MTSS2: variants seen among roughly 807,000 people sequenced by gnomAD.
MTSS2 encodes protein MTSS 2.
In MTSS2, 27 loss-of-function variants were observed where a neutral mutation model predicts 67.1. The ratio of observed to expected loss-of-function variants is 0.40; its 90% CI spans 0.30 to 0.55. The LOEUF (loss-of-function observed/expected upper bound fraction) is 0.55. MTSS2 is among the 20% of genes least tolerant of loss of function. The pLI is 0.43. For missense variants in MTSS2, 1,171 were observed against 1,067.8 expected (o/e 1.10, Z -1.35); for synonymous variants, 624 against 468.6 (o/e 1.33, Z -4.28).
intron 3 of MTSS2, among the ~76,000 whole-genome samples, chr16:70,680,548 T>G (rs557745947): frequency 6.6e-6 from 1 of 152,146 alleles, no homozygotes; most frequent in East Asian, 1.9e-4. Flanking sequence ...GGGGGTCACA[T>G]GAACAGCCCA....
chr16:70,679,492 C>T, intron 6 of MTSS2, 138 bp downstream of exon 6: 1 of 1,229,286 alleles, frequency 8.1e-7, no homozygotes, highest in Non-Finnish European at 1.1e-6. Flanking sequence ...CCCTCTGTCC[C>T]ACCCAACAGG....
At chr16:70,679,537 G>A (rs1330601727) in intron 6 of MTSS2, 93 bp downstream of exon 6, 1 of 1,399,050 alleles carries the variant, frequency 7.1e-7, no homozygotes, top group Middle Eastern at 1.9e-4. Context: ...GCGCCCCTCT[G>A]GCTGGGATGA....
chr16:70,679,175 G>C (rs1038100579), intron 7 of MTSS2, 140 bp downstream of exon 7: 1 of 1,058,420 alleles, frequency 9.4e-7, no homozygotes, highest in East Asian at 2.4e-5. Flanking sequence ...CTGTGCCCCA[G>C]GCCCCTCCCT....
intron 12 of MTSS2, 40 bp downstream of exon 12, chr16:70,665,426 C>T: frequency 6.5e-7 from 1 of 1,531,664 alleles, no homozygotes; most frequent in Non-Finnish European, 8.8e-7. Context: ...ATGGGAGGGG[C>T]AGCTGGTGAC....
chr16:70,679,377 T>G, intron 6 of MTSS2, 54 bp from the exon 7 acceptor site: 1 of 1,607,192 alleles, frequency 6.2e-7, no homozygotes, highest in Non-Finnish European at 8.5e-7. Flanking sequence ...AAAGAATGTG[T>G]GAAAGACGCC....
At chr16:70,667,781 G>A (rs750377669) in intron 11 of MTSS2, among the ~76,000 whole-genome samples, 15 of 152,232 alleles carry the variant, frequency 9.9e-5, no homozygotes, top group Middle Eastern at 3.4e-3. Context: ...GCTGAGGCAC[G>A]AGAATAGCTT....
At position 70,678,388 on chromosome 16, in the gene MTSS2, TG is replaced by T; in HGVS notation, c.487del (p.Gln163SerfsTer28). Reference protein sequence around the residue: ...ELLGKGDLQPQLDSALQDVND... With the variant: ...ELLGKGDLQPXLDSALQDVND... ...GACGTCCTGCAGGGCACTGTCCAGC[TG>T]GGGCTGCAGGTCTCCTTTCCCTGGA... On this transcript the variant is annotated frameshift_variant, in exon 8 of 15. Coordinates refer to ENST00000338779, the MANE Select transcript of MTSS2 (RefSeq NM_138383.3). LOFTEE classifies it high-confidence loss of function. The T allele has an allele frequency of 6.2e-7, 1 of 1,612,060 alleles. No individual in the cohort carries two copies.
chr16:70,679,231 C>A (rs1008185809), intron 7 of MTSS2, 84 bp downstream of exon 7: 2 of 1,528,946 alleles, frequency 1.3e-6, no homozygotes, highest in African/African-American at 2.7e-5. Flanking sequence ...TGGAGAGGTT[C>A]CTTCCAATGG....
intron 1 of MTSS2, 33 bp from the exon 2 acceptor site, chr16:70,681,058 T>C (rs761297584): frequency 1.7e-5 from 27 of 1,590,012 alleles, no homozygotes; most frequent in African/African-American, 1.3e-4. Context: ...AGTGAGCTTC[T>C]TGTGGGGTGG....
intron 4 of MTSS2, 28 bp from the exon 5 acceptor site, chr16:70,679,905 C>A (rs1447764246): frequency 1.9e-6 from 3 of 1,564,376 alleles, no homozygotes; most frequent in Non-Finnish European, 2.6e-6. Context: ...GAGCGCAGGT[C>A]AGGGCCGGGC....
intron 1 of MTSS2, among the ~76,000 whole-genome samples, chr16:70,684,880 TGG>T (rs2053405474): frequency 6.6e-6 from 1 of 151,886 alleles, no homozygotes; most frequent in African/African-American, 2.4e-5. Context: ...GGAGGAAAAA[TGG>T]GGGCTGAGGT....
chr16:70,679,932 G>GCCCCCCCC, intron 4 of MTSS2, 39 bp downstream of exon 4: 1 of 709,056 alleles, frequency 1.4e-6, no homozygotes, highest in Non-Finnish European at 2.2e-6. Flanking sequence ...GCGACGCCCC[G>GCCCCCCCC]TCCCCCCGCC....
intron 6 of MTSS2, 129 bp from the exon 7 acceptor site, chr16:70,679,452 T>C: frequency 7.7e-6 from 10 of 1,300,548 alleles, no homozygotes; most frequent in Non-Finnish European, 1.1e-5. Context: ...ATAGGGAGGT[T>C]CTGGACCAGG....
rs1280372789 is a variant in MTSS2, at chr16:70,663,266, GA to G, written c.*410del. The G allele has an allele frequency of 5.2e-6, 1 of 192,594 alleles. No homozygotes were observed. The highest frequency in any genetic ancestry group is 2.4e-5 in the African/African-American group (1 of 42,514). 11.9% of individuals were successfully genotyped at this position (192,594 alleles called of 1,614,324 possible). A position where few individuals can be genotyped will look rare whatever the true frequency, so the allele number is the denominator to read the frequency against. On this transcript the variant is annotated 3_prime_UTR_variant, in exon 15 of 15. Coordinates refer to ENST00000338779, the MANE Select transcript of MTSS2 (RefSeq NM_138383.3). ...GGGAGGAGGGGGCTCAGGCAGGGGAGAGGGGGGCCAGCATTCCAGGAGGAGC... is the reference window on the plus strand; with the variant it reads ...GGGAGGAGGGGGCTCAGGCAGGGGAGGGGGGGCCAGCATTCCAGGAGGAGC...
chr16:70,672,889 G>A (rs1315553776), intron 11 of MTSS2, among the ~76,000 whole-genome samples: 2 of 152,160 alleles, frequency 1.3e-5, no homozygotes, highest in East Asian at 1.9e-4. Flanking sequence ...GGCTGGGCGC[G>A]GTTGCTCACA....
rs1417044399 is a variant in MTSS2, at chr16:70,663,402, C to G, written c.*275G>C. 4.0e-6 allele frequency: 2 copies of G among 496,436 alleles called. No homozygotes were observed. The highest frequency in any genetic ancestry group is 3.4e-6 in the Non-Finnish European group (1 of 290,990). The allele number at this position is 496,436 out of a possible 1,614,324, so 30.8% of individuals were successfully genotyped here. A position where few individuals can be genotyped will look rare whatever the true frequency, so the allele number is the denominator to read the frequency against. On this transcript the variant is annotated 3_prime_UTR_variant, in exon 15 of 15. Coordinates refer to ENST00000338779, the MANE Select transcript of MTSS2 (RefSeq NM_138383.3). ...CTGGTGCTTATGGGTAGGGAAGAGG[C>G]AGGGCCCCAGAGGAGGAAGAGGAGG... is the stretch of plus-strand genomic sequence containing the variant.
chr16:70,664,326 T>G lies in MTSS2; in HGVS notation c.1595A>C (p.Gln532Pro). 1 of 1,596,574 alleles carries G rather than the reference T, an allele frequency of 6.3e-7. No homozygotes were observed. The highest frequency in any genetic ancestry group is 8.5e-7 in the Non-Finnish European group (1 of 1,173,818). Residue 532 changes from glutamine (Q) to proline (P), a missense_variant, in exon 15 of 15, where the codon CAG (glutamine) becomes CCG (proline). Physicochemically the swap from Gln to Pro is moderately conservative, Grantham distance 76. Around this residue, in one of 2 missense-constraint regions of MTSS2, gnomAD observed 924 missense variants for 756.0 expected, o/e 1.22. Coordinates refer to ENST00000338779, the MANE Select transcript of MTSS2 (RefSeq NM_138383.3). ...NIAQNYRRLIQTKRPASTAGL... is the reference protein window; with the variant it reads ...NIAQNYRRLIPTKRPASTAGL... ...AGCAGTGGAGGCTGGGCGCTTGGTC[T>G]GGATCAGGCGGCGGTAGTTCTGGGC...
At chr16:70,669,776 C>T (rs932426729) in intron 11 of MTSS2, among the ~76,000 whole-genome samples, 1 of 148,592 alleles carries the variant, frequency 6.7e-6, no homozygotes, top group African/African-American at 2.5e-5. Flanking sequence ...GAGATCATGC[C>T]ACTGCACTCC....
intron 12 of MTSS2, 33 bp downstream of exon 12, chr16:70,665,433 T>C: frequency 6.5e-7 from 1 of 1,539,624 alleles, no homozygotes; most frequent in South Asian, 1.2e-5. Context: ...GGGCAGCTGG[T>C]GACTGTCCTG....
Sources: gnomAD v4.1 joint callset for allele counts (sites outside exome capture counted in the v4.1 genomes callset) on GRCh38, gnomAD v4.1.1 for gene constraint, gnomAD v4.1.1 regional missense constraint, MANE v1.5 for transcripts, NCBI Gene and HGNC (gene_info 2026-07-23, HGNC 2026-07-21) for gene names.